The following SORD variants were observed in gnomAD, a reference collection of about 807,000 sequenced individuals.
The protein encoded by SORD is sorbitol dehydrogenase.
A neutral mutation model predicts 35.6 loss-of-function variants in SORD; 18 were observed. The ratio of observed to expected loss-of-function variants is 0.51; its 90% CI spans 0.35 to 0.75. The LOEUF (loss-of-function observed/expected upper bound fraction) is 0.75. SORD is among the 30% of genes least tolerant of loss of function. SORD has a pLI of 0.01. For missense variants in SORD, 250 were observed against 390.2 expected (o/e 0.64, Z 3.03); for synonymous variants, 106 against 152.9 (o/e 0.69, Z 2.26).
chr15:45,038,661 C>T (rs954845913), intron 1 of SORD, among the ~76,000 whole-genome samples: 6 of 152,174 alleles, frequency 3.9e-5, no homozygotes, highest in African/African-American at 1.4e-4. Context: ...CGATGGAAGG[C>T]ATGGTCTTTG....
chr15:45,060,380 C>T (rs923349376), intron 3 of SORD, among the ~76,000 whole-genome samples: 2 of 151,976 alleles, frequency 1.3e-5, no homozygotes, highest in Non-Finnish European at 2.9e-5. Context: ...AATTAGAGAG[C>T]AGTTCTCAGG....
At chr15:45,055,213 T>C (rs1893196243) in intron 3 of SORD, among the ~76,000 whole-genome samples, 1 of 152,146 alleles carries the variant, frequency 6.6e-6, no homozygotes, top group South Asian at 2.1e-4. Context: ...GGGGATGGCA[T>C]TGAATCTATA....
chr15:45,038,362 G>A (rs1209251053), intron 1 of SORD, among the ~76,000 whole-genome samples: 3 of 152,142 alleles, frequency 2.0e-5, no homozygotes, highest in Non-Finnish European at 2.9e-5. Flanking sequence ...GATGTACCAT[G>A]TAGGGTTTTT....
At position 45,072,669 on chromosome 15, in the gene SORD, G is replaced by A. The variant is rs1267083013; in HGVS notation, c.908+231G>A. ...AGGGAGGGAAGGAGGGGATTTTGAAGCATAGTCTTACTGAGTGTCTGCTGC... is the reference window on the plus strand; with the variant it reads ...AGGGAGGGAAGGAGGGGATTTTGAAACATAGTCTTACTGAGTGTCTGCTGC... On this transcript the variant is annotated intron_variant, in intron 8 of 8. Transcript: ENST00000267814. Among the ~76,000 whole-genome samples, 3 of 146,300 alleles carry A rather than the reference G, an allele frequency of 2.1e-5. 1 individual carries two copies. The highest frequency in any genetic ancestry group is 5.5e-5 in the African/African-American group (2 of 36,218).
chr15:45,074,240 A>AG lies in SORD; in HGVS notation c.*710_*711insG, dbSNP rs1416032979. The AG allele has an allele frequency of 6.8e-6, 1 of 146,970 alleles. No homozygotes were observed. Among genetic ancestry groups the AG allele is most frequent in the African/African-American group, 2.7e-5 (1 of 37,562 alleles). The allele number at this position is 146,970 out of a possible 1,614,324, so 9.1% of individuals were successfully genotyped here. Reference sequence around the variant, plus strand: ...ATTGCCTCTTCTACAGCTTCTGAGAATTGTGTTATTTCACTTGCCAAGTGA... The same window carrying AG: ...ATTGCCTCTTCTACAGCTTCTGAGAAGTTGTGTTATTTCACTTGCCAAGTGA... On this transcript the variant is annotated 3_prime_UTR_variant, in exon 9 of 9. Coordinates refer to ENST00000267814, the MANE Select transcript of SORD (RefSeq NM_003104.6).
At chr15:45,023,454 C>A in intron 1 of SORD, 105 bp downstream of exon 1, 2 of 1,004,266 alleles carry the variant, frequency 2.0e-6, no homozygotes, top group East Asian at 3.2e-5. Context: ...CGGCCCCGCA[C>A]CTTAAGCGCC....
At chr15:45,052,981 G>A (rs546366278) in intron 3 of SORD, among the ~76,000 whole-genome samples, 2 of 152,178 alleles carry the variant, frequency 1.3e-5, no homozygotes, top group African/African-American at 4.8e-5. Flanking sequence ...AAGACAGAAG[G>A]TGCTGAGATA....
rs551236032 is a variant in SORD, at chr15:45,035,153, C to T, written c.67-5255C>T. Among the ~76,000 whole-genome samples the T allele has an allele frequency of 3.3e-4, 50 of 152,296 alleles. 1 individual carries two copies. The highest frequency in any genetic ancestry group is 1.5e-3 in the East Asian group (8 of 5,164). Reference sequence around the variant, plus strand: ...GGCTCCTGTGCAGCCTGAGCCTCCCCGACGAGTGCCGCCCCCTGCTGCACG... The same window carrying T: ...GGCTCCTGTGCAGCCTGAGCCTCCCTGACGAGTGCCGCCCCCTGCTGCACG... On this transcript the variant is annotated intron_variant, in intron 1 of 8. Coordinates refer to ENST00000267814, the MANE Select transcript of SORD (RefSeq NM_003104.6).
intron 1 of SORD, among the ~76,000 whole-genome samples, chr15:45,031,335 AAAAAC>A (rs1292258272): frequency 1.4e-4 from 21 of 152,266 alleles, no homozygotes; most frequent in African/African-American, 5.1e-4. Context: ...ACAAAAAAAA[AAAAAC>A]AACAGGGAAT....
chr15:45,049,728 T>A (rs1272558024), intron 3 of SORD, among the ~76,000 whole-genome samples: 1 of 152,206 alleles, frequency 6.6e-6, no homozygotes, highest in African/African-American at 2.4e-5. Context: ...TCCAGATTTT[T>A]TATATTACTG....
intron 7 of SORD, among the ~76,000 whole-genome samples, chr15:45,069,515 T>C (rs1893474990): frequency 6.6e-6 from 1 of 152,126 alleles, no homozygotes; most frequent in Non-Finnish European, 1.5e-5. Context: ...TTATCTCTAG[T>C]GCGGAGACTG....
intron 8 of SORD, among the ~76,000 whole-genome samples, chr15:45,072,774 G>A (rs1168452942): frequency 4.2e-5 from 6 of 141,954 alleles, no homozygotes; most frequent in Non-Finnish European, 5.9e-5. Context: ...AGGGAAGAAG[G>A]AGAGAAAGGA....
intron 1 of SORD, among the ~76,000 whole-genome samples, chr15:45,033,832 A>T (rs1892819027): frequency 6.6e-6 from 1 of 151,330 alleles, no homozygotes; most frequent in Admixed American, 6.6e-5. Flanking sequence ...GTAAGGATTA[A>T]AGTAGAGGGA....
intron 7 of SORD, among the ~76,000 whole-genome samples, chr15:45,070,972 C>T (rs1330518261): frequency 6.6e-6 from 1 of 152,192 alleles, no homozygotes; most frequent in African/African-American, 2.4e-5. Flanking sequence ...CCTGACGTCA[C>T]GCATGACGGG....
At chr15:45,046,531 C>T (rs1423656222) in intron 3 of SORD, among the ~76,000 whole-genome samples, 2 of 152,216 alleles carry the variant, frequency 1.3e-5, no homozygotes, top group African/African-American at 2.4e-5. Flanking sequence ...AGGCATAAAC[C>T]ACCATGCCCA....
intron 4 of SORD, among the ~76,000 whole-genome samples, chr15:45,063,672 G>A (rs1251436077): frequency 3.3e-5 from 5 of 152,238 alleles, no homozygotes; most frequent in East Asian, 3.9e-4. Flanking sequence ...ATCTCTCCTC[G>A]ATGTAGTTTC....
At chr15:45,058,916 G>C (rs567394690) in intron 3 of SORD, among the ~76,000 whole-genome samples, 1 of 152,312 alleles carries the variant, frequency 6.6e-6, no homozygotes, top group Admixed American at 6.5e-5. Context: ...TCTCTTGCCT[G>C]AGCAACTACG....
chr15:45,061,336 T>G, intron 4 of SORD, 110 bp downstream of exon 4: 1 of 1,226,462 alleles, frequency 8.2e-7, no homozygotes, highest in Non-Finnish European at 1.2e-6. Context: ...ATTCCAAACA[T>G]GAGGCATCAC....
intron 1 of SORD, among the ~76,000 whole-genome samples, chr15:45,023,654 T>C (rs1035247708): frequency 1.3e-5 from 2 of 152,258 alleles, no homozygotes; most frequent in Non-Finnish European, 2.9e-5. Flanking sequence ...TGCAGATTCA[T>C]AGTCCAGCCT....
Sources: gnomAD v4.1 joint callset for allele counts (sites outside exome capture counted in the v4.1 genomes callset) on GRCh38, gnomAD v4.1.1 for gene constraint, MANE v1.5 for transcripts, NCBI Gene and HGNC (gene_info 2026-07-23, HGNC 2026-07-21) for gene names.